Variants in IL7 observed in about 807,000 individuals in gnomAD.
The protein encoded by IL7 is interleukin-7.
Under a neutral mutation model 21.6 loss-of-function variants are expected in IL7, and 3 were observed. That is an observed-to-expected ratio of 0.14 (90% CI 0.06 to 0.36). The LOEUF (loss-of-function observed/expected upper bound fraction) is 0.36, where lower values mean the gene tolerates loss of function less well. Among genes scored for constraint, IL7 ranks in the 10% least tolerant of loss-of-function variants. IL7 has a pLI of 1.00. For synonymous variants in IL7, 62 were observed against 68.1 expected, an observed-to-expected ratio of 0.91 and a Z score of 0.44; for missense variants, 175 against 200.2, an observed-to-expected ratio of 0.87 and a Z score of 0.76.
chr8:78,726,779 C>T (rs1811348472), intron 3 of IL7, among the ~76,000 whole-genome samples: 2 of 151,936 alleles, frequency 1.3e-5, no homozygotes, highest in Non-Finnish European at 1.5e-5. Flanking sequence ...CATCCTTAGT[C>T]CCACTCATTA....
chr8:78,677,115 A>G (rs1257800434), intron 4 of IL7, among the ~76,000 whole-genome samples: 1 of 152,162 alleles, frequency 6.6e-6, no homozygotes, highest in Non-Finnish European at 1.5e-5. Flanking sequence ...CAAGACACGA[A>G]ATAATCCAGT....
At chr8:78,702,325 C>G (rs867522801) in intron 3 of IL7, among the ~76,000 whole-genome samples, 1 of 151,998 alleles carries the variant, frequency 6.6e-6, no homozygotes, top group South Asian at 2.1e-4. Context: ...CCCCTCTTGT[C>G]ATTTCTGATT....
downstream of IL7, among the ~76,000 whole-genome samples, chr8:78,731,309 A>T (rs970410066): frequency 2.1e-4 from 32 of 152,026 alleles, 1 homozygote; most frequent in African/African-American, 7.0e-4. Context: ...CCTTGCTGTT[A>T]TATTAGCTTT....
At chr8:78,744,716 C>T (rs1331508272) in intron 2 of IL7, among the ~76,000 whole-genome samples, 4 of 152,180 alleles carry the variant, frequency 2.6e-5, no homozygotes, top group African/African-American at 4.8e-5. Flanking sequence ...GGTGGAATAT[C>T]TACAGTTCCT....
chr8:78,677,354 T>TA (rs34753315), intron 4 of IL7, among the ~76,000 whole-genome samples: 29 of 148,214 alleles, frequency 2.0e-4, no homozygotes, highest in East Asian at 9.8e-4. Context: ...GACAACTCTT[T>TA]AAAAAAAAAA....
At chr8:78,686,493 T>C (rs1487516201) in intron 3 of IL7, 1 of 1,532,646 alleles carries the variant, frequency 6.5e-7, no homozygotes, top group Non-Finnish European at 8.8e-7. Flanking sequence ...AACCATCTAA[T>C]TGGAGAAGGA....
At chr8:78,722,407 T>C (rs988146610) in intron 3 of IL7, among the ~76,000 whole-genome samples, 1 of 108,118 alleles carries the variant, frequency 9.2e-6, no homozygotes, top group East Asian at 2.3e-4. Context: ...TTAAAATTTT[T>C]ATTTTTTGCT....
chr8:78,714,628 T>A (rs1280737447), downstream of IL7, among the ~76,000 whole-genome samples: 1 of 152,136 alleles, frequency 6.6e-6, no homozygotes, highest in African/African-American at 2.4e-5. Flanking sequence ...TTCTTAAAGT[T>A]TCAAAATGGA....
intron 5 of IL7, chr8:78,720,949 A>C (rs1811225614): frequency 6.6e-6 from 1 of 151,898 alleles, no homozygotes; most frequent in Non-Finnish European, 1.5e-5. Context: ...AGTGTCATCT[A>C]TTTAAATAGG....
At chr8:78,722,042 G>C (rs1174975529) in intron 3 of IL7, among the ~76,000 whole-genome samples, 2 of 151,768 alleles carry the variant, frequency 1.3e-5, no homozygotes, top group African/African-American at 4.8e-5. Flanking sequence ...AAGACAAAAG[G>C]CTAGAAATAT....
chr8:78,766,324 A>C, intron 2 of IL7, among the ~76,000 whole-genome samples: 1 of 152,056 alleles, frequency 6.6e-6, no homozygotes, highest in East Asian at 1.9e-4. Flanking sequence ...TAAACTATAG[A>C]CTTTGGGTGA....
At position 78,805,201 on chromosome 8, in the gene IL7, T is replaced by G; in HGVS notation, c.-279A>C. ...TGTACTTTCAGTTTCTACTTTGCGCTTGGTCTGCAGGTTCAATCTTTGGGA... is the reference window on the plus strand; with the variant it reads ...TGTACTTTCAGTTTCTACTTTGCGCGTGGTCTGCAGGTTCAATCTTTGGGA... On this transcript the variant is annotated 5_prime_UTR_variant, in exon 1 of 6. Coordinates refer to ENST00000263851, the MANE Select transcript of IL7 (RefSeq NM_000880.4). 2.5e-6 allele frequency: 1 copy of G among 396,126 alleles called. No homozygotes were observed. The allele number at this position is 396,126 out of a possible 1,614,324, so 24.5% of individuals were successfully genotyped here. A position where few individuals can be genotyped will look rare whatever the true frequency, so the allele number is the denominator to read the frequency against.
chr8:78,715,725 C>T (rs1811080740), downstream of IL7, among the ~76,000 whole-genome samples: 1 of 152,108 alleles, frequency 6.6e-6, no homozygotes, highest in Admixed American at 6.6e-5. Context: ...TGTCATTGAA[C>T]TGCTGCAGTC....
At chr8:78,692,351 T>G (rs1320064090) in intron 3 of IL7, among the ~76,000 whole-genome samples, 1 of 152,162 alleles carries the variant, frequency 6.6e-6, no homozygotes, top group Non-Finnish European at 1.5e-5. Context: ...TCAGTCTTAT[T>G]TATTATTACT....
intron 2 of IL7, among the ~76,000 whole-genome samples, chr8:78,740,870 T>G (rs1436488659): frequency 6.6e-6 from 1 of 152,202 alleles, no homozygotes; most frequent in African/African-American, 2.4e-5. Context: ...TGCGCTATTT[T>G]TTTTTTCATT....
At chr8:78,716,065 A>G (rs956192840), downstream of IL7, among the ~76,000 whole-genome samples, 2 of 149,888 alleles carry the variant, frequency 1.3e-5, no homozygotes, top group African/African-American at 4.9e-5. Context: ...AGGCTGTTAT[A>G]GTGTATAGTT....
At chr8:78,697,906 C>T (rs1019523255) in intron 3 of IL7, among the ~76,000 whole-genome samples, 31 of 152,198 alleles carry the variant, frequency 2.0e-4, no homozygotes, top group African/African-American at 7.0e-4. Flanking sequence ...TCTCTATCTC[C>T]TGAACTCGTG....
intron 2 of IL7, among the ~76,000 whole-genome samples, chr8:78,752,758 C>G (rs1011208345): frequency 6.6e-6 from 1 of 152,016 alleles, no homozygotes; most frequent in Non-Finnish European, 1.5e-5. Context: ...CCCCACCCTG[C>G]GACAGGCCCC....
intron 3 of IL7, among the ~76,000 whole-genome samples, chr8:78,693,135 T>C (rs971016407): frequency 2.0e-5 from 3 of 152,186 alleles, no homozygotes; most frequent in Non-Finnish European, 2.9e-5. Flanking sequence ...CTATCATTGT[T>C]GGACATTTGG....
Sources: gnomAD v4.1 joint callset for allele counts (sites outside exome capture counted in the v4.1 genomes callset) on GRCh38, gnomAD v4.1.1 for gene constraint, MANE v1.5 for transcripts, NCBI Gene and HGNC (gene_info 2026-07-23, HGNC 2026-07-21) for gene names.